CCBE1: variants seen among roughly 807,000 people sequenced by gnomAD.
CCBE1 encodes the protein collagen and calcium-binding EGF domain-containing protein 1.
In CCBE1, 37 loss-of-function variants were observed where a neutral mutation model predicts 50.0. The observed-to-expected ratio is 0.74, with a 90% CI of 0.57 to 0.97. CCBE1 has a LOEUF of 0.97. Ranked by LOEUF, CCBE1 falls within the 50% of genes least tolerant of loss-of-function variation. The pLI, the probability that CCBE1 is intolerant of heterozygous loss-of-function variation, is 0.00. For missense variants in CCBE1, 538 were observed against 523.8 expected (o/e 1.03, Z -0.26); for synonymous variants, 234 against 203.7 (o/e 1.15, Z -1.27).
chr18:59,469,584 G>T lies in CCBE1; in HGVS notation c.289C>A (p.Pro97Thr). 6.2e-7 allele frequency: 1 copy of T among 1,614,146 alleles called. No homozygotes were observed. The highest frequency in any genetic ancestry group is 8.5e-7 in the Non-Finnish European group (1 of 1,180,042). The change falls in exon 4 of 11, where the codon CCC becomes ACC. Residue 97 changes from proline (P) to threonine (T), a missense_variant. Physicochemically the swap from Pro to Thr is conservative, Grantham distance 38. Coordinates refer to ENST00000439986, the MANE Select transcript of CCBE1 (RefSeq NM_133459.4). ...TTGTCCGTGCACTGCTGTTCACAGG[G>T]AGCCTCGGCACAAACGTCGTAATCT... is the stretch of plus-strand genomic sequence containing the variant. ...PEDYDVCAEA[P>T]CEQQCTDNFG... is the part of the protein sequence containing the mutation.
intron 3 of CCBE1, among the ~76,000 whole-genome samples, chr18:59,471,521 G>T (rs1419099175): frequency 1.3e-5 from 2 of 152,182 alleles, no homozygotes; most frequent in Non-Finnish European, 2.9e-5. Flanking sequence ...GAGCCTGGAA[G>T]TATGCTTGAA....
intron 5 of CCBE1, among the ~76,000 whole-genome samples, chr18:59,460,968 T>TAAATAAATA (rs776006255): frequency 4.8e-5 from 7 of 144,714 alleles, no homozygotes; most frequent in Admixed American, 2.1e-4. Context: ...AATAAATAAA[T>TAAATAAATA]AATAAAATAA....
chr18:59,526,907 C>T (rs1914846305), intron 2 of CCBE1, among the ~76,000 whole-genome samples: 2 of 152,052 alleles, frequency 1.3e-5, no homozygotes, highest in Admixed American at 6.6e-5. Flanking sequence ...TTGCATTTGC[C>T]AAGGAGTGTT....
intron 2 of CCBE1, among the ~76,000 whole-genome samples, chr18:59,599,792 CAG>C (rs1025960152): frequency 6.6e-6 from 1 of 152,160 alleles, no homozygotes; most frequent in African/African-American, 2.4e-5. Flanking sequence ...AGACTAGAGT[CAG>C]AGACCTGACA....
At chr18:59,453,830 T>C (rs1015699436) in intron 6 of CCBE1, among the ~76,000 whole-genome samples, 4 of 152,196 alleles carry the variant, frequency 2.6e-5, no homozygotes, top group Non-Finnish European at 4.4e-5. Context: ...AATTGAGCAA[T>C]CTTAGGTAGA....
At chr18:59,479,373 C>T (rs1912460778) in intron 3 of CCBE1, among the ~76,000 whole-genome samples, 1 of 152,150 alleles carries the variant, frequency 6.6e-6, no homozygotes, top group Non-Finnish European at 1.5e-5. Context: ...TGCCCTGGGC[C>T]TCTGTGTATA....
intron 2 of CCBE1, among the ~76,000 whole-genome samples, chr18:59,560,646 A>G (rs2052722423): frequency 6.6e-6 from 1 of 152,164 alleles, no homozygotes; most frequent in Admixed American, 6.5e-5. Context: ...AACAAAACAA[A>G]AACAAAAGCA....
At chr18:59,628,442 G>GA (rs145813313) in intron 2 of CCBE1, among the ~76,000 whole-genome samples, 4,045 of 152,040 alleles carry the variant, frequency 0.027, 166 homozygotes, top group African/African-American at 0.092. Context: ...TGAGGTGATG[G>GA]AAAAAATCTA....
chr18:59,568,317 A>C (rs542457566), intron 2 of CCBE1: 1 of 152,322 alleles, frequency 6.6e-6, no homozygotes, highest in African/African-American at 2.4e-5. Flanking sequence ...AGACCGTGTA[A>C]ATGGACAGGA....
At chr18:59,513,211 G>A (rs1478875232) in intron 2 of CCBE1, among the ~76,000 whole-genome samples, 1 of 152,204 alleles carries the variant, frequency 6.6e-6, no homozygotes, top group African/African-American at 2.4e-5. Flanking sequence ...GGGAGGCTGA[G>A]GCATGAGAAT....
chr18:59,485,013 C>G (rs922015055), intron 2 of CCBE1, among the ~76,000 whole-genome samples: 1 of 152,190 alleles, frequency 6.6e-6, no homozygotes, highest in African/African-American at 2.4e-5. Context: ...ACTACAAACA[C>G]TGCTGTGTGG....
At position 59,432,699 on chromosome 18, in the gene CCBE1, T is replaced by A. The variant is rs1057269871; in HGVS notation, c.*3209A>T. 6.6e-6 allele frequency: 1 copy of A among 152,206 alleles called. No individual in the cohort carries two copies. The highest frequency in any genetic ancestry group is 1.9e-4 in the East Asian group (1 of 5,194). 9.4% of individuals were successfully genotyped at this position (152,206 alleles called of 1,614,324 possible). A position where few individuals can be genotyped will look rare whatever the true frequency, so the allele number is the denominator to read the frequency against. Reference sequence around the variant, plus strand: ...TGACATTATAAAATACAGGTTACCATAAGTTTTGCTGGAGAATATTATCTG... The same window carrying A: ...TGACATTATAAAATACAGGTTACCAAAAGTTTTGCTGGAGAATATTATCTG... On this transcript the variant is annotated 3_prime_UTR_variant, in exon 11 of 11. Transcript: ENST00000439986.
chr18:59,495,906 C>G (rs1913335288), intron 2 of CCBE1, among the ~76,000 whole-genome samples: 1 of 152,124 alleles, frequency 6.6e-6, no homozygotes, highest in Non-Finnish European at 1.5e-5. Context: ...CTGGTCAACA[C>G]GTGACTAAAC....
intron 2 of CCBE1, among the ~76,000 whole-genome samples, chr18:59,531,348 G>T: frequency 6.6e-6 from 1 of 151,984 alleles, no homozygotes; most frequent in Non-Finnish European, 1.5e-5. Context: ...AACCACATGT[G>T]ATCTTTTTTT....
intron 2 of CCBE1, among the ~76,000 whole-genome samples, chr18:59,669,593 G>A (rs1292235700): frequency 2.0e-5 from 3 of 152,212 alleles, no homozygotes; most frequent in African/African-American, 7.2e-5. Context: ...TGTCCCTGTG[G>A]CTGCAAGAAA....
intron 2 of CCBE1, among the ~76,000 whole-genome samples, chr18:59,524,104 T>C (rs1416783957): frequency 6.6e-6 from 1 of 152,148 alleles, no homozygotes; most frequent in Non-Finnish European, 1.5e-5. Flanking sequence ...GCAGATTGCT[T>C]GAGGTCAGGA....
At chr18:59,627,821 T>C (rs1390565998) in intron 2 of CCBE1, among the ~76,000 whole-genome samples, 1 of 152,240 alleles carries the variant, frequency 6.6e-6, no homozygotes, top group African/African-American at 2.4e-5. Context: ...GATACATTTC[T>C]GTTTTTTTAA....
intron 2 of CCBE1, among the ~76,000 whole-genome samples, chr18:59,510,162 G>A (rs1466377398): frequency 6.6e-6 from 1 of 152,172 alleles, no homozygotes; most frequent in Non-Finnish European, 1.5e-5. Flanking sequence ...ATCTATCTGG[G>A]TATCTATTTT....
At chr18:59,676,890 G>A (rs1439519188) in intron 2 of CCBE1, among the ~76,000 whole-genome samples, 1 of 152,140 alleles carries the variant, frequency 6.6e-6, no homozygotes, top group East Asian at 1.9e-4. Flanking sequence ...CAGGTACAGG[G>A]AATAGAACAG....
Sources: gnomAD v4.1 joint callset for allele counts (sites outside exome capture counted in the v4.1 genomes callset) on GRCh38, gnomAD v4.1.1 for gene constraint, MANE v1.5 for transcripts, NCBI Gene and HGNC (gene_info 2026-07-23, HGNC 2026-07-21) for gene names.